The following ARFGEF2 variants were observed in gnomAD, a reference collection of about 807,000 sequenced individuals.
ARFGEF2 encodes ARF guanine nucleotide exchange factor 2.
Under a neutral mutation model 219.9 loss-of-function variants are expected in ARFGEF2, and 74 were observed. The observed-to-expected ratio is 0.34, with a 90% CI of 0.28 to 0.41. The LOEUF (loss-of-function observed/expected upper bound fraction) is 0.41. Ranked by LOEUF, ARFGEF2 falls within the 10% of genes least tolerant of loss-of-function variation. The pLI is 1.00. For synonymous variants in ARFGEF2, 733 were observed against 799.2 expected, an observed-to-expected ratio of 0.92 and a Z score of 1.40; for missense variants, 1,743 against 2,218.3, an observed-to-expected ratio of 0.79 and a Z score of 4.30.
In ARFGEF2 at chr20:48,951,333, C is replaced by T. The variant is rs963623819; in HGVS notation, c.287C>T (p.Ala96Val). Residue 96 changes from alanine to valine, a missense_variant, in exon 4 of 39, where the codon GCA (alanine) becomes GTA (valine). Coordinates refer to ENST00000371917, the MANE Select transcript of ARFGEF2 (RefSeq NM_006420.3). ...TCTTTCTCTCTTTAGAAACTCATCG[C>T]ATACGGGCACATCACTGGCAACGCC... is the stretch of plus-strand genomic sequence containing the variant. ...TSLDCLQKLI[A>V]YGHITGNAPD... 1 of 1,614,158 alleles carries T rather than the reference C, an allele frequency of 6.2e-7. No homozygotes were observed. Among genetic ancestry groups the T allele is most frequent in the Non-Finnish European group, 8.5e-7 (1 of 1,180,016 alleles).
chr20:48,988,754 C>T (rs1354636650), intron 18 of ARFGEF2, 92 bp downstream of exon 18: 7 of 1,156,932 alleles, frequency 6.1e-6, no homozygotes, highest in Non-Finnish European at 8.9e-6. Context: ...ATTTAATGTG[C>T]ATAGCTGGAT....
intron 20 of ARFGEF2, among the ~76,000 whole-genome samples, chr20:48,990,810 A>C (rs1376322700): frequency 6.6e-6 from 1 of 152,246 alleles, no homozygotes; most frequent in African/African-American, 2.4e-5. Context: ...GAAGTCAATT[A>C]GAAAGGAGAG....
intron 18 of ARFGEF2, among the ~76,000 whole-genome samples, 195 bp from the exon 19 acceptor site, chr20:48,989,090 A>G (rs576623490): frequency 6.6e-6 from 1 of 152,172 alleles, no homozygotes; most frequent in South Asian, 2.1e-4. Flanking sequence ...TAATTGTATG[A>G]CCCTGGGCAA....
At position 49,010,260 on chromosome 20, in the gene ARFGEF2, C is replaced by T. The variant is rs753350616; in HGVS notation, c.3613C>T (p.Arg1205Cys). 2.2e-5 allele frequency: 36 copies of T among 1,614,064 alleles called. No individual in the cohort carries two copies. Among genetic ancestry groups the T allele is most frequent in the East Asian group, 4.5e-5 (2 of 44,906 alleles). The part of the protein sequence containing the change: ...RSPTIRDMAI[R>C]CIAQMVNSQA... ...TCCCACCATCCGGGACATGGCGATCCGCTGCATTGCCCAGATGGTGAACTC... is the reference window on the plus strand; with the variant it reads ...TCCCACCATCCGGGACATGGCGATCTGCTGCATTGCCCAGATGGTGAACTC... The change falls in exon 27 of 39, where the codon CGC (arginine) becomes TGC (cysteine). Residue 1205 changes from arginine (R) to cysteine (C), a missense_variant. Around this residue, in one of 5 missense-constraint regions of ARFGEF2, gnomAD observed 102 missense variants for 146.8 expected, o/e 0.69. Coordinates refer to ENST00000371917, the MANE Select transcript of ARFGEF2 (RefSeq NM_006420.3).
Position 48,952,753 on chromosome 20 carries a change from A to G in ARFGEF2, c.472A>G (p.Thr158Ala), listed in dbSNP as rs2091079090. The G allele has an allele frequency of 1.2e-6, 2 of 1,614,232 alleles. No individual in the cohort carries two copies. Among genetic ancestry groups the G allele is most frequent in the Non-Finnish European group, 1.7e-6 (2 of 1,180,018 alleles). ...TSPHIEIHEG[T>A]ILQTVRTCYN... Reference sequence around the variant, plus strand: ...CCCACACATTGAAATTCATGAGGGTACTATCCTGCAGACAGTGAGAACATG... The same window carrying G: ...CCCACACATTGAAATTCATGAGGGTGCTATCCTGCAGACAGTGAGAACATG... Residue 158 changes from threonine to alanine, a missense_variant, in exon 5 of 39, where the codon ACT becomes GCT. Thr to Ala is a moderately conservative substitution (Grantham distance 58). Around this residue, in one of 5 missense-constraint regions of ARFGEF2, gnomAD observed 394 missense variants for 426.6 expected, o/e 0.92. Coordinates refer to ENST00000371917, the MANE Select transcript of ARFGEF2 (RefSeq NM_006420.3).
chr20:48,967,957 T>C (rs949522944), intron 8 of ARFGEF2, among the ~76,000 whole-genome samples: 4 of 152,186 alleles, frequency 2.6e-5, no homozygotes, highest in African/African-American at 9.6e-5. Flanking sequence ...AACTTTTATA[T>C]GTGGGGGATA....
At chr20:48,922,247 T>G (rs2090847018) in intron 1 of ARFGEF2, among the ~76,000 whole-genome samples, 1 of 152,218 alleles carries the variant, frequency 6.6e-6, no homozygotes. Context: ...GGGTTCCAGC[T>G]CAGGGCTTTT....
chr20:48,953,530 T>C (rs1750039394), intron 5 of ARFGEF2, 26 bp from the exon 6 acceptor site: 2 of 1,602,716 alleles, frequency 1.2e-6, no homozygotes, highest in African/African-American at 2.7e-5. Context: ...ACCAAAATGC[T>C]GTATCCCCCT....
In ARFGEF2 at chr20:48,952,721, T is replaced by C; in HGVS notation, c.440T>C (p.Val147Ala). Residue 147 changes from valine (V) to alanine (A), a missense_variant, in exon 5 of 39, where the codon GTG (valine) becomes GCG (alanine). By Grantham distance (64) the Val-to-Ala change is moderately conservative. Transcript: ENST00000371917. ...CTATTTTAGGCTCTTCTGACTGCAGTGACTTCCCCACACATTGAAATTCAT... is the reference window on the plus strand; with the variant it reads ...CTATTTTAGGCTCTTCTGACTGCAGCGACTTCCCCACACATTGAAATTCAT... ...LQIIKALLTA[V>A]TSPHIEIHEG... The C allele has an allele frequency of 6.2e-7, 1 of 1,614,226 alleles. No individual in the cohort carries two copies. The highest frequency in any genetic ancestry group is 2.2e-5 in the East Asian group (1 of 44,894).
chr20:48,941,243 C>A lies in ARFGEF2; in HGVS notation c.152+14C>A. 1 of 1,612,466 alleles carries A rather than the reference C, an allele frequency of 6.2e-7. No homozygotes were observed. Among genetic ancestry groups the A allele is most frequent in the Non-Finnish European group, 8.5e-7 (1 of 1,179,010 alleles). ...AGAAAAGCAGAGGTAAGCTATAGCA[C>A]TACCTCCTTGCTGAGATACGGCATG... On this transcript the variant is annotated intron_variant, in intron 2 of 38. Transcript: ENST00000371917.
intron 9 of ARFGEF2, among the ~76,000 whole-genome samples, chr20:48,970,131 A>T (rs1422345911): frequency 2.6e-5 from 4 of 151,804 alleles, no homozygotes; most frequent in African/African-American, 7.3e-5. Context: ...CCTGGCCAAC[A>T]AGATGAAACC....
At chr20:48,928,732 G>A (rs1040743110) in intron 1 of ARFGEF2, among the ~76,000 whole-genome samples, 1 of 151,914 alleles carries the variant, frequency 6.6e-6, no homozygotes, top group Non-Finnish European at 1.5e-5. Flanking sequence ...CTGACCTCGT[G>A]ATCTGCCCGC....
At chr20:48,936,670 G>T (rs915642782) in intron 1 of ARFGEF2, among the ~76,000 whole-genome samples, 4 of 152,074 alleles carry the variant, frequency 2.6e-5, no homozygotes, top group Non-Finnish European at 4.4e-5. Flanking sequence ...GACTACAGGC[G>T]TGCACCACCA....
chr20:48,953,600 C>G lies in ARFGEF2; in HGVS notation c.648C>G (p.Pro216=). Residue 216 remains proline, a synonymous_variant, in exon 6 of 39, where the codon CCC becomes CCG. Coordinates refer to ENST00000371917, the MANE Select transcript of ARFGEF2 (RefSeq NM_006420.3). ...RELEKPIQSK[P]QSPVIQAAAV... ...TGGAAAAACCAATCCAGTCAAAACCCCAGTCCCCTGTGATCCAAGCTGCAG... is the reference window on the plus strand; with the variant it reads ...TGGAAAAACCAATCCAGTCAAAACCGCAGTCCCCTGTGATCCAAGCTGCAG... The G allele has an allele frequency of 6.2e-7, 1 of 1,614,162 alleles. No individual in the cohort carries two copies. Among genetic ancestry groups the G allele is most frequent in the South Asian group, 1.1e-5 (1 of 91,084 alleles).
rs747916041 is a variant in ARFGEF2, at chr20:49,032,032, CTCTCTA to C, written c.5064-16_5064-11del. ...AATCAATTGTTTGATATGCCTCCCC[CTCTCTA>C]ATTCTTCTAGTGTTTGCAGTGAAGC... On this transcript the variant is annotated splice_polypyrimidine_tract_variant and intron_variant, in intron 37 of 38. Coordinates refer to ENST00000371917, the MANE Select transcript of ARFGEF2 (RefSeq NM_006420.3). 167 of 1,559,122 alleles carry C rather than the reference CTCTCTA, an allele frequency of 1.1e-4. No individual in the cohort carries two copies. The highest frequency in any genetic ancestry group is 9.7e-6 in the Non-Finnish European group (11 of 1,129,952).
At chr20:49,031,256 G>A (rs147930973) in intron 37 of ARFGEF2, among the ~76,000 whole-genome samples, 4 of 100,542 alleles carry the variant, frequency 4.0e-5, no homozygotes, top group African/African-American at 1.6e-4. Context: ...TTTTGAGATA[G>A]TCTCACTCTA....
intron 25 of ARFGEF2, among the ~76,000 whole-genome samples, chr20:49,000,674 G>A (rs1213751178): frequency 6.6e-6 from 1 of 152,220 alleles, no homozygotes; most frequent in Non-Finnish European, 1.5e-5. Context: ...TGACAGCTAA[G>A]CCAGAACAAA....
chr20:48,972,174 C>T (rs1197346308), intron 10 of ARFGEF2, 152 bp from the exon 11 acceptor site: 1 of 671,732 alleles, frequency 1.5e-6, no homozygotes, highest in Admixed American at 2.1e-5. Context: ...GCCAGGGTCC[C>T]GTTGCTGCCC....
intron 1 of ARFGEF2, among the ~76,000 whole-genome samples, chr20:48,936,774 G>T (rs2090961045): frequency 6.6e-6 from 1 of 152,142 alleles, no homozygotes; most frequent in South Asian, 2.1e-4. Context: ...TGATCTGCCT[G>T]CCTGGGCCTC....
Sources: gnomAD v4.1 joint callset for allele counts (sites outside exome capture counted in the v4.1 genomes callset) on GRCh38, gnomAD v4.1.1 for gene constraint, gnomAD v4.1.1 regional missense constraint, MANE v1.5 for transcripts, NCBI Gene and HGNC (gene_info 2026-07-23, HGNC 2026-07-21) for gene names.